Variants in TRPM1 observed in about 807,000 individuals in gnomAD.
The protein encoded by TRPM1 is transient receptor potential cation channel subfamily M member 1, also known as TRPM1-203 APA Isoform, Intron 10.
A neutral mutation model predicts 149.4 loss-of-function variants in TRPM1; 113 were observed. That is an observed-to-expected ratio of 0.76 (90% CI 0.65 to 0.88). TRPM1 has a LOEUF of 0.88. TRPM1 is among the 40% of genes least tolerant of loss of function. The pLI, the probability that TRPM1 is intolerant of heterozygous loss-of-function variation, is 0.00. For missense variants in TRPM1, 1,976 were observed against 2,038.7 expected, an observed-to-expected ratio of 0.97 and a Z score of 0.59; for synonymous variants, 741 against 759.5, an observed-to-expected ratio of 0.98 and a Z score of 0.40.
chr15:31,046,999 C>T (rs2033784009), intron 15 of TRPM1, 112 bp downstream of exon 15: 1 of 1,453,376 alleles, frequency 6.9e-7, no homozygotes, highest in Non-Finnish European at 9.6e-7. Context: ...GACAGCTGTG[C>T]TGGGGACAGG....
chr15:31,120,892 T>A (rs1162205956), intron 1 of TRPM1, among the ~76,000 whole-genome samples: 2 of 152,050 alleles, frequency 1.3e-5, no homozygotes, highest in East Asian at 3.8e-4. Context: ...GTGAAAGCAG[T>A]GCTTAGAGAG....
At chr15:31,031,705 C>T (rs1174011230) in intron 22 of TRPM1, among the ~76,000 whole-genome samples, 1 of 152,218 alleles carries the variant, frequency 6.6e-6, no homozygotes, top group Non-Finnish European at 1.5e-5. Flanking sequence ...TAGCTCAAAA[C>T]CACTTGCCCT....
At chr15:31,121,137 A>T (rs1444858316) in intron 1 of TRPM1, among the ~76,000 whole-genome samples, 1 of 150,002 alleles carries the variant, frequency 6.7e-6, no homozygotes, top group Non-Finnish European at 1.5e-5. Flanking sequence ...CAAGGCAGAG[A>T]ATTGCTTTGA....
At chr15:31,024,729 T>G (rs1194051064) in intron 27 of TRPM1, among the ~76,000 whole-genome samples, 1 of 152,202 alleles carries the variant, frequency 6.6e-6, no homozygotes, top group African/African-American at 2.4e-5. Context: ...TAAAATTACG[T>G]TCAAGTTAAT....
chr15:31,089,687 C>T (rs1248288225), intron 1 of TRPM1, among the ~76,000 whole-genome samples: 1 of 152,214 alleles, frequency 6.6e-6, no homozygotes, highest in Non-Finnish European at 1.5e-5. Flanking sequence ...ATTGAGGAAG[C>T]GTCAGCTCCA....
At chr15:31,158,150 A>G (rs538910220) in intron 1 of TRPM1, among the ~76,000 whole-genome samples, 1 of 152,248 alleles carries the variant, frequency 6.6e-6, no homozygotes, top group African/African-American at 2.4e-5. Flanking sequence ...GCTTTTATAA[A>G]TAGGCCTTAG....
intron 1 of TRPM1, among the ~76,000 whole-genome samples, chr15:31,159,036 G>A (rs2036412802): frequency 6.6e-6 from 1 of 152,116 alleles, no homozygotes; most frequent in African/African-American, 2.4e-5. Context: ...CTCAAATGGA[G>A]TCGCTCTGGT....
chr15:31,066,904 T>A (rs1470009883), intron 6 of TRPM1, among the ~76,000 whole-genome samples, 159 bp downstream of exon 6: 2 of 152,176 alleles, frequency 1.3e-5, no homozygotes, highest in Non-Finnish European at 2.9e-5. Flanking sequence ...CGGGTTGTGA[T>A]CTTGCATTAT....
chr15:31,086,172 C>T (rs1408997640), intron 1 of TRPM1, among the ~76,000 whole-genome samples: 2 of 152,178 alleles, frequency 1.3e-5, no homozygotes, highest in South Asian at 2.1e-4. Flanking sequence ...AGGGTGGGAC[C>T]ACTGGGGAAC....
chr15:31,119,823 T>C (rs1346043), intron 1 of TRPM1, among the ~76,000 whole-genome samples: 31,690 of 152,106 alleles, frequency 0.21, 3,910 homozygotes, highest in African/African-American at 0.32. Flanking sequence ...GTTTTAAATG[T>C]ATACTGCAAA....
At chr15:31,101,551 T>C in intron 1 of TRPM1, 106 bp downstream of exon 1, 1 of 644,340 alleles carries the variant, frequency 1.6e-6, no homozygotes, top group East Asian at 1.4e-4. Flanking sequence ...CTTAACTGCA[T>C]CTGTGGTTAT....
rs142365783 is a variant in TRPM1, at chr15:31,129,998, C to A, written c.54+30908G>T. Among the ~76,000 whole-genome samples, 1,234 of 152,340 alleles carry A rather than the reference C, an allele frequency of 8.1e-3. 19 individuals are homozygous for A. Among genetic ancestry groups the A allele is most frequent in the African/African-American group, 0.028 (1,174 of 41,568 alleles). On this transcript the variant is annotated intron_variant, in intron 1 of 26. Coordinates refer to the TRPM1 transcript ENST00000542188. ...GCATCCACTTCCTCCATGTCCTGGG[C>A]AGGGCTGGTCTTCAGCAGGGATGCT...
chr15:31,078,711 G>T (rs1030350807), intron 2 of TRPM1, among the ~76,000 whole-genome samples: 3 of 152,140 alleles, frequency 2.0e-5, no homozygotes, highest in Non-Finnish European at 4.4e-5. Context: ...CTTCTCCAGC[G>T]CAAGACAGCG....
At chr15:31,025,634 C>G (rs535076414) in intron 27 of TRPM1, among the ~76,000 whole-genome samples, 1 of 151,864 alleles carries the variant, frequency 6.6e-6, no homozygotes, top group South Asian at 2.1e-4. Context: ...AGACACCTCA[C>G]CCCCCACCCT....
At position 31,031,101 on chromosome 15, in the gene TRPM1, T is replaced by C; in HGVS notation, c.3009A>G (p.Gly1003=). Residue 1003 remains glycine (G), a synonymous_variant, in exon 23 of 28, where the codon GGA becomes GGG. Transcript: ENST00000256552. Reference sequence around the variant, plus strand: ...GATGCAGAATGGCTTGACGGGCTACTCCGAAACTCATGAGCACGACCAGCA... The same window carrying C: ...GATGCAGAATGGCTTGACGGGCTACCCCGAAACTCATGAGCACGACCAGCA... ...VIMLVVLMSF[G]VARQAILHPE... 6.2e-7 allele frequency: 1 copy of C among 1,614,170 alleles called. No homozygotes were observed. The highest frequency in any genetic ancestry group is 8.5e-7 in the Non-Finnish European group (1 of 1,180,020).
chr15:31,059,793 A>G (rs988630276), intron 11 of TRPM1, among the ~76,000 whole-genome samples: 2 of 152,022 alleles, frequency 1.3e-5, no homozygotes, highest in Admixed American at 6.5e-5. Flanking sequence ...TGCAAACACA[A>G]ATTTATCCTG....
At chr15:31,012,926 G>A (rs1029754692) in intron 27 of TRPM1, among the ~76,000 whole-genome samples, 1 of 149,270 alleles carries the variant, frequency 6.7e-6, no homozygotes, top group African/African-American at 2.5e-5. Context: ...TTCAGTTATT[G>A]TACTTTCCAA....
At chr15:31,111,679 A>G (rs2035691471) in intron 1 of TRPM1, among the ~76,000 whole-genome samples, 1 of 152,146 alleles carries the variant, frequency 6.6e-6, no homozygotes, top group African/African-American at 2.4e-5. Flanking sequence ...CAGTGTTTAG[A>G]AGAGCTCAAC....
chr15:31,117,033 T>C (rs1191429106), intron 1 of TRPM1, among the ~76,000 whole-genome samples: 1 of 152,170 alleles, frequency 6.6e-6, no homozygotes, highest in African/African-American at 2.4e-5. Flanking sequence ...AGGCTGGGAA[T>C]TTTAAATAAC....
Sources: allele counts gnomAD v4.1 joint callset (sites outside exome capture counted in the v4.1 genomes callset), GRCh38; gene constraint gnomAD v4.1.1; transcripts MANE v1.5; gene names NCBI Gene and HGNC (gene_info 2026-07-23, HGNC 2026-07-21).